Variants in OR7E24 observed in about 807,000 individuals in gnomAD.
OR7E24 encodes the protein olfactory receptor family 7 subfamily E member 24, also known as olfactory receptor 7E24.
For synonymous variants in OR7E24, 130 were observed against 157.5 expected (o/e 0.83, Z 1.31); for missense variants, 385 against 410.3 (o/e 0.94, Z 0.53).
chr19:9,244,021 G>C (rs1353252863), upstream of OR7E24, among the ~76,000 whole-genome samples: 1 of 152,174 alleles, frequency 6.6e-6, no homozygotes, highest in East Asian at 1.9e-4. Context: ...TCCAGTATCA[G>C]ACCCATCAGT....
the OR7E24 span, among the ~76,000 whole-genome samples, chr19:9,223,012 T>C: frequency 6.6e-6 from 1 of 152,206 alleles, no homozygotes; most frequent in Non-Finnish European, 1.5e-5. Flanking sequence ...CATTAAAGGA[T>C]GTTAATTTTT....
chr19:9,223,734 CTTTTTTTTTT>C, the OR7E24 span, among the ~76,000 whole-genome samples: 2 of 135,656 alleles, frequency 1.5e-5, no homozygotes, highest in Non-Finnish European at 3.2e-5. Flanking sequence ...TTTTTCTCTT[CTTTTTTTTTT>C]TTTTTTTTAA....
the OR7E24 span, among the ~76,000 whole-genome samples, chr19:9,225,377 A>C: frequency 7.1e-6 from 1 of 140,828 alleles, no homozygotes; most frequent in Non-Finnish European, 1.6e-5. Flanking sequence ...GAAGGAAAGA[A>C]GGAAGGAAGG....
At chr19:9,247,468 G>A, upstream of OR7E24, 1 of 398,706 alleles carries the variant, frequency 2.5e-6, no homozygotes. Flanking sequence ...AGGGAGGACA[G>A]CGGACCTACT....
chr19:9,214,385 G>T, the OR7E24 span: 1 of 1,614,130 alleles, frequency 6.2e-7, no homozygotes, highest in South Asian at 1.1e-5. Flanking sequence ...ACCAGAAAAT[G>T]ATGAACCAAG....
the OR7E24 span, among the ~76,000 whole-genome samples, chr19:9,221,396 G>C: frequency 8.4e-6 from 1 of 119,128 alleles, no homozygotes; most frequent in Non-Finnish European, 1.7e-5. Flanking sequence ...TGTCACCCAG[G>C]CTGGAATGCA....
chr19:9,248,312 T>C (rs983494247), upstream of OR7E24, among the ~76,000 whole-genome samples: 7 of 152,316 alleles, frequency 4.6e-5, no homozygotes, highest in East Asian at 1.3e-3. Context: ...TTCATAATTT[T>C]TCCTGAGTTA....
the OR7E24 span, among the ~76,000 whole-genome samples, chr19:9,227,522 C>A: frequency 6.6e-6 from 1 of 152,114 alleles, no homozygotes; most frequent in African/African-American, 2.4e-5. Flanking sequence ...GCCGCCATGC[C>A]TGCCTGATAT....
the OR7E24 span, among the ~76,000 whole-genome samples, chr19:9,229,324 G>T: frequency 3.9e-5 from 6 of 152,000 alleles, no homozygotes; most frequent in Admixed American, 2.0e-4. Flanking sequence ...GAGGTCAGGA[G>T]TTCGAGACCA....
the OR7E24 span, among the ~76,000 whole-genome samples, chr19:9,217,040 A>G: frequency 1.3e-5 from 2 of 152,228 alleles, no homozygotes; most frequent in African/African-American, 2.4e-5. Context: ...TGACCACCAC[A>G]CAGGACTCTC....
chr19:9,223,215 A>T, the OR7E24 span, among the ~76,000 whole-genome samples: 1 of 152,184 alleles, frequency 6.6e-6, no homozygotes. Context: ...CTCCTCAAGA[A>T]AGAAGGCCCT....
chr19:9,251,921 C>A lies in OR7E24; in HGVS notation c.866C>A (p.Ser289Ter). 1.2e-6 allele frequency: 2 copies of A among 1,614,098 alleles called. No homozygotes were observed. Among genetic ancestry groups the A allele is most frequent in the Non-Finnish European group, 1.7e-6 (2 of 1,180,020 alleles). Residue 289 changes from serine (S) to a stop codon, truncating the protein, a stop_gained, in exon 2 of 2, where the codon TCA becomes TAA. Transcript: ENST00000641946. LOFTEE classifies it low-confidence loss of function (END_TRUNC). ...TCCCCCAGGAAGAGTATGGTGGCTT[C>A]AGTGATGTACACTGTGGTCACCCCC...
chr19:9,239,035 G>T, the OR7E24 span, among the ~76,000 whole-genome samples: 4 of 152,260 alleles, frequency 2.6e-5, no homozygotes, highest in African/African-American at 9.6e-5. Flanking sequence ...TAGTGGGATT[G>T]CTGGATCCTA....
upstream of OR7E24, among the ~76,000 whole-genome samples, chr19:9,242,837 C>A (rs2066119775): frequency 6.6e-6 from 1 of 151,816 alleles, no homozygotes; most frequent in South Asian, 2.1e-4. Context: ...TCCTTTTTTA[C>A]TTTCTTCCTT....
upstream of OR7E24, among the ~76,000 whole-genome samples, chr19:9,246,615 C>G (rs2144937985): frequency 6.6e-6 from 1 of 152,068 alleles, no homozygotes; most frequent in Non-Finnish European, 1.5e-5. Context: ...CGTCCACCAA[C>G]AGATGACTGG....
At chr19:9,245,200 G>A (rs1220532468), upstream of OR7E24, among the ~76,000 whole-genome samples, 1 of 151,528 alleles carries the variant, frequency 6.6e-6, no homozygotes, top group Non-Finnish European at 1.5e-5. Context: ...GGGTGACAGA[G>A]CAAGACTCCG....
the OR7E24 span, among the ~76,000 whole-genome samples, chr19:9,225,459 A>G: frequency 3.8e-5 from 5 of 130,500 alleles, no homozygotes; most frequent in Admixed American, 3.9e-4. Flanking sequence ...AGAGGGAGGG[A>G]GGGAGGGAAG....
At chr19:9,223,030 G>GT in the OR7E24 span, among the ~76,000 whole-genome samples, 3 of 152,094 alleles carry the variant, frequency 2.0e-5, no homozygotes, top group Non-Finnish European at 4.4e-5. Context: ...TTTGTCAAAT[G>GT]TTTTTTTCTG....
upstream of OR7E24, among the ~76,000 whole-genome samples, chr19:9,245,601 C>A (rs907706675): frequency 6.6e-6 from 1 of 152,134 alleles, no homozygotes; most frequent in Non-Finnish European, 1.5e-5. Context: ...ATTTGTATAA[C>A]CATGTGTGGA....
Sources: allele counts gnomAD v4.1 joint callset (sites outside exome capture counted in the v4.1 genomes callset), GRCh38; gene constraint gnomAD v4.1.1; transcripts MANE v1.5; gene names NCBI Gene and HGNC (gene_info 2026-07-23, HGNC 2026-07-21).